AKT3: variants seen among roughly 807,000 people sequenced by gnomAD.
AKT3 encodes the protein AKT serine/threonine kinase 3.
A neutral mutation model predicts 65.3 loss-of-function variants in AKT3; 15 were observed. The ratio of observed to expected loss-of-function variants is 0.23; its 90% CI spans 0.15 to 0.35. The LOEUF (loss-of-function observed/expected upper bound fraction) is 0.35. Among genes scored for constraint, AKT3 ranks in the 10% least tolerant of loss-of-function variants. The probability of loss-of-function intolerance (pLI) is 1.00; values close to 1 mark genes in which losing one functional copy is unlikely to be tolerated. For synonymous variants in AKT3, 206 were observed against 183.8 expected (o/e 1.12, Z -0.98); for missense variants, 243 against 576.5 (o/e 0.42, Z 5.92).
At chr1:243,773,341 C>CT (rs1314358728) in intron 2 of AKT3, among the ~76,000 whole-genome samples, 1 of 151,874 alleles carries the variant, frequency 6.6e-6, no homozygotes, top group Non-Finnish European at 1.5e-5. Context: ...AGTAAAATGA[C>CT]TATGAAATAC....
At chr1:243,613,356 A>G (rs1449673809) in intron 8 of AKT3, among the ~76,000 whole-genome samples, 1 of 151,978 alleles carries the variant, frequency 6.6e-6, no homozygotes, top group Non-Finnish European at 1.5e-5. Flanking sequence ...GAAACAATAA[A>G]TCTTGTATTT....
At chr1:243,720,270 C>G (rs1223104690) in intron 2 of AKT3, among the ~76,000 whole-genome samples, 1 of 151,654 alleles carries the variant, frequency 6.6e-6, no homozygotes, top group Non-Finnish European at 1.5e-5. Flanking sequence ...TGCACTCCAG[C>G]CTGGGCAACA....
intron 2 of AKT3, among the ~76,000 whole-genome samples, chr1:243,757,968 G>A (rs1689243238): frequency 6.6e-6 from 1 of 152,066 alleles, no homozygotes; most frequent in South Asian, 2.1e-4. Context: ...TCGCCATGTT[G>A]GCCAGACTGT....
In AKT3 at chr1:243,661,294, C is replaced by T. The variant is rs1682303026; in HGVS notation, c.284+3478G>A. On this transcript the variant is annotated intron_variant, in intron 4 of 13. Coordinates refer to ENST00000673466, the MANE Select transcript of AKT3 (RefSeq NM_005465.7). ...AACAAAGCTGGAGGCATCATGCTAC[C>T]TGACTTCAAACTACACTACAAGGCT... is the stretch of plus-strand genomic sequence containing the variant. Among the ~76,000 whole-genome samples, 3 of 152,206 alleles carry T rather than the reference C, an allele frequency of 2.0e-5. No individual in the cohort carries two copies. The South Asian group carries it at 6.2e-4, about 31-fold the overall frequency.
intron 3 of AKT3, among the ~76,000 whole-genome samples, chr1:243,689,789 C>CA (rs1303230430): frequency 6.6e-6 from 1 of 151,984 alleles, no homozygotes; most frequent in East Asian, 1.9e-4. Flanking sequence ...CCTGTCTCTA[C>CA]AAAAAACTGG....
At chr1:243,521,133 A>G (rs574059278) in intron 12 of AKT3, among the ~76,000 whole-genome samples, 1 of 152,340 alleles carries the variant, frequency 6.6e-6, no homozygotes, top group Admixed American at 6.5e-5. Flanking sequence ...AGACTGGAGA[A>G]CTTGAAACTT....
chr1:243,587,340 G>A (rs888555816), intron 8 of AKT3, among the ~76,000 whole-genome samples: 1 of 152,188 alleles, frequency 6.6e-6, no homozygotes, highest in Non-Finnish European at 1.5e-5. Context: ...GCTGGGTACA[G>A]TGGCTCACGC....
intron 1 of AKT3, among the ~76,000 whole-genome samples, chr1:243,845,522 G>A (rs1317348321): frequency 7.7e-6 from 1 of 130,392 alleles, no homozygotes; most frequent in Non-Finnish European, 1.6e-5. Flanking sequence ...AGGATCACCT[G>A]AGCCCAGGAA....
intron 2 of AKT3, among the ~76,000 whole-genome samples, chr1:243,733,775 T>C (rs951839676): frequency 6.6e-6 from 1 of 152,222 alleles, no homozygotes; most frequent in Non-Finnish European, 1.5e-5. Flanking sequence ...AAAGTACGTA[T>C]CTTAATTAAA....
intron 2 of AKT3, among the ~76,000 whole-genome samples, chr1:243,770,190 C>G (rs1690090600): frequency 6.6e-6 from 1 of 152,124 alleles, no homozygotes; most frequent in Non-Finnish European, 1.5e-5. Context: ...CTCTTTTTGA[C>G]TGCACCTAGC....
chr1:243,522,846 G>A (rs906633859), intron 12 of AKT3, among the ~76,000 whole-genome samples: 4 of 152,042 alleles, frequency 2.6e-5, no homozygotes, highest in Non-Finnish European at 5.9e-5. Context: ...TATTTTTATA[G>A]AGAAATTCCT....
intron 2 of AKT3, among the ~76,000 whole-genome samples, chr1:243,753,841 G>A (rs1322141639): frequency 2.0e-5 from 3 of 152,174 alleles, no homozygotes; most frequent in Non-Finnish European, 4.4e-5. Context: ...CTAAATTGAA[G>A]GGCTAGAATC....
At chr1:243,747,216 A>G (rs546835623) in intron 2 of AKT3, among the ~76,000 whole-genome samples, 9 of 152,342 alleles carry the variant, frequency 5.9e-5, no homozygotes, top group African/African-American at 2.2e-4. Flanking sequence ...ATATATTCCT[A>G]AAAAGAAATA....
intron 12 of AKT3, among the ~76,000 whole-genome samples, chr1:243,524,120 T>G (rs1173978537): frequency 1.3e-5 from 2 of 152,230 alleles, no homozygotes; most frequent in Non-Finnish European, 2.9e-5. Context: ...TGGTAAGTAT[T>G]TGTGTATCTA....
At chr1:243,635,695 A>G (rs1572068736) in intron 6 of AKT3, among the ~76,000 whole-genome samples, 1 of 152,032 alleles carries the variant, frequency 6.6e-6, no homozygotes, top group African/African-American at 2.4e-5. Context: ...CTGATTACTT[A>G]TGAATGGAAA....
intron 3 of AKT3, among the ~76,000 whole-genome samples, chr1:243,688,372 T>C (rs1351123052): frequency 1.3e-5 from 2 of 152,280 alleles, no homozygotes; most frequent in Non-Finnish European, 2.9e-5. Context: ...TTTGGGCAAG[T>C]GTTTAATTGT....
At position 243,634,577 on chromosome 1, in the gene AKT3, TG is replaced by T. The variant is rs1436948950; in HGVS notation, c.561+3033del. On this transcript the variant is annotated intron_variant, in intron 6 of 13. Coordinates refer to ENST00000673466, the MANE Select transcript of AKT3 (RefSeq NM_005465.7). ...CATCTATATTTAGGCTGTGGTTGAT[TG>T]GGGGTAACTCAAACCATGAAAAGCA... 3.9e-5 allele frequency among the ~76,000 whole-genome samples: 6 copies of T among 152,070 alleles called. No individual in the cohort carries two copies. In the East Asian group the frequency reaches 1.2e-3, roughly 29 times the overall value.
intron 2 of AKT3, among the ~76,000 whole-genome samples, chr1:243,711,157 A>G (rs1403646954): frequency 1.3e-5 from 2 of 152,142 alleles, no homozygotes; most frequent in Non-Finnish European, 2.9e-5. Context: ...CGTCTCTACT[A>G]AAAATACAAA....
At chr1:243,683,694 G>C (rs945624083) in intron 3 of AKT3, among the ~76,000 whole-genome samples, 1 of 152,108 alleles carries the variant, frequency 6.6e-6, no homozygotes, top group Non-Finnish European at 1.5e-5. Flanking sequence ...AGGAAAGAGG[G>C]AAAAAGAAAG....
Sources: allele counts gnomAD v4.1 joint callset (sites outside exome capture counted in the v4.1 genomes callset), GRCh38; gene constraint gnomAD v4.1.1; transcripts MANE v1.5; gene names NCBI Gene and HGNC (gene_info 2026-07-23, HGNC 2026-07-21).